TMEM163: variants seen among roughly 807,000 people sequenced by gnomAD.
The protein encoded by TMEM163 is transmembrane protein 163.
In TMEM163, 17 loss-of-function variants were observed where a neutral mutation model predicts 29.3. That is an observed-to-expected ratio of 0.58 (90% confidence interval 0.40 to 0.87). The LOEUF is 0.87. Among genes scored for constraint, TMEM163 ranks in the 40% least tolerant of loss-of-function variants. The pLI is 0.00. For missense variants in TMEM163, 303 were observed against 381.5 expected (o/e 0.79, Z 1.71); for synonymous variants, 157 against 160.6 (o/e 0.98, Z 0.17).
chr2:134,528,481 T>G (rs1322598352), intron 4 of TMEM163, among the ~76,000 whole-genome samples: 3 of 152,256 alleles, frequency 2.0e-5, no homozygotes, highest in Non-Finnish European at 4.4e-5. Context: ...GATAAGAGTT[T>G]CTTATAACAT....
intron 6 of TMEM163, among the ~76,000 whole-genome samples, chr2:134,464,106 G>C (rs375578332): frequency 1.2e-3 from 186 of 152,310 alleles, no homozygotes; most frequent in Middle Eastern, 3.4e-3. Context: ...TGAACTAAAG[G>C]CTTCCTCAAC....
At chr2:134,589,299 T>A (rs1268583595) in intron 2 of TMEM163, among the ~76,000 whole-genome samples, 1 of 152,162 alleles carries the variant, frequency 6.6e-6, no homozygotes, top group African/African-American at 2.4e-5. Context: ...AAAATAAGGC[T>A]GAGACCCACT....
intron 2 of TMEM163, among the ~76,000 whole-genome samples, chr2:134,689,780 T>C (rs1413638880): frequency 6.6e-6 from 1 of 152,252 alleles, no homozygotes; most frequent in Non-Finnish European, 1.5e-5. Context: ...AACAGCCAAA[T>C]GTACCACAAA....
chr2:134,473,681 C>T (rs1686856097), intron 5 of TMEM163, among the ~76,000 whole-genome samples: 1 of 152,082 alleles, frequency 6.6e-6, no homozygotes, highest in African/African-American at 2.4e-5. Context: ...ACACATGTTA[C>T]CAATATCAGG....
intron 2 of TMEM163, among the ~76,000 whole-genome samples, chr2:134,570,252 G>A (rs76981324): frequency 0.014 from 2,076 of 152,236 alleles, 45 homozygotes; most frequent in African/African-American, 0.048. Context: ...AAAGAAACTT[G>A]TGCTAGGTTT....
chr2:134,579,569 C>CT (rs903615407), intron 2 of TMEM163, among the ~76,000 whole-genome samples: 15 of 151,986 alleles, frequency 9.9e-5, no homozygotes, highest in East Asian at 9.6e-4. Context: ...CAAATCCATC[C>CT]TTTTTTTTCT....
intron 2 of TMEM163, among the ~76,000 whole-genome samples, chr2:134,651,686 T>G (rs1215607005): frequency 1.2e-5 from 1 of 80,118 alleles, no homozygotes; most frequent in East Asian, 2.8e-4. Flanking sequence ...AGGTCTAACG[T>G]TTAAATCTTT....
intron 5 of TMEM163, among the ~76,000 whole-genome samples, chr2:134,498,346 C>T (rs1000786784): frequency 4.3e-4 from 63 of 148,136 alleles, no homozygotes; most frequent in African/African-American, 1.5e-3. Flanking sequence ...GGTGCACTTG[C>T]ATGTGGGCTT....
chr2:134,628,271 C>A (rs915809465), intron 2 of TMEM163, among the ~76,000 whole-genome samples: 2 of 152,238 alleles, frequency 1.3e-5, no homozygotes, highest in African/African-American at 4.8e-5. Flanking sequence ...AAAACTCCTA[C>A]ATGCCTATCT....
At chr2:134,687,295 G>A (rs996429593) in intron 2 of TMEM163, among the ~76,000 whole-genome samples, 1 of 152,156 alleles carries the variant, frequency 6.6e-6, no homozygotes, top group African/African-American at 2.4e-5. Context: ...TAAAATGTTG[G>A]GAAGAGTTGC....
intron 5 of TMEM163, among the ~76,000 whole-genome samples, chr2:134,497,043 G>A (rs1391153617): frequency 6.6e-6 from 1 of 152,094 alleles, no homozygotes; most frequent in Non-Finnish European, 1.5e-5. Flanking sequence ...TGCTTACTGG[G>A]GAAGGTCCCC....
chr2:134,596,357 T>G (rs1574267190), intron 2 of TMEM163, among the ~76,000 whole-genome samples: 1 of 152,370 alleles, frequency 6.6e-6, no homozygotes, highest in African/African-American at 2.4e-5. Context: ...CAGCACCATT[T>G]TTTAAATAGG....
intron 5 of TMEM163, among the ~76,000 whole-genome samples, chr2:134,489,665 T>C (rs1679386499): frequency 6.6e-6 from 1 of 152,116 alleles, no homozygotes; most frequent in African/African-American, 2.4e-5. Flanking sequence ...GATATGATTA[T>C]GTATCATATA....
intron 2 of TMEM163, among the ~76,000 whole-genome samples, chr2:134,635,190 T>TACATCGAAAAGGAG (rs1339190430): frequency 2.0e-5 from 3 of 152,186 alleles, no homozygotes; most frequent in Non-Finnish European, 4.4e-5. Context: ...TTGAGACAAT[T>TACATCGAAAAGGAG]ACAGTCTCTG....
chr2:134,715,100 C>T (rs1275844124), intron 1 of TMEM163, among the ~76,000 whole-genome samples: 1 of 152,220 alleles, frequency 6.6e-6, no homozygotes, highest in Non-Finnish European at 1.5e-5. Flanking sequence ...GGTATTTTGA[C>T]AGCAACAATC....
At chr2:134,483,612 G>GA (rs1199426009) in intron 5 of TMEM163, among the ~76,000 whole-genome samples, 4 of 152,110 alleles carry the variant, frequency 2.6e-5, no homozygotes, top group Admixed American at 2.6e-4. Flanking sequence ...CTGCGAGGTG[G>GA]AAATTCTGAC....
At chr2:134,549,662 T>C (rs1366491937) in intron 4 of TMEM163, among the ~76,000 whole-genome samples, 2 of 152,188 alleles carry the variant, frequency 1.3e-5, no homozygotes, top group East Asian at 3.9e-4. Context: ...ACTTTCCATC[T>C]GGATACCACT....
intron 2 of TMEM163, among the ~76,000 whole-genome samples, chr2:134,629,565 A>G (rs1453326317): frequency 6.6e-6 from 1 of 152,194 alleles, no homozygotes; most frequent in Non-Finnish European, 1.5e-5. Context: ...CAGCCCTTGT[A>G]CCTTTCTGTT....
rs1275323743 is a variant in TMEM163 at position 134,652,997 on chromosome 2, C to G, written c.322+60203G>C. On this transcript the variant is annotated intron_variant, in intron 2 of 7. Coordinates refer to ENST00000281924, the MANE Select transcript of TMEM163 (RefSeq NM_030923.5). Reference sequence around the variant, plus strand: ...ATCAATGTTCATCAAGGATATTGGTCTAAAACTCTCTTTTTTGGTTGTGTC... The same window carrying G: ...ATCAATGTTCATCAAGGATATTGGTGTAAAACTCTCTTTTTTGGTTGTGTC... Among the ~76,000 whole-genome samples, 2 of 131,256 alleles carry G rather than the reference C, an allele frequency of 1.5e-5. 1 individual carries two copies. Among genetic ancestry groups the G allele is most frequent in the Non-Finnish European group, 3.1e-5 (2 of 64,426 alleles). The allele number at this position is 131,256 out of a possible 152,430, so 86.1% of individuals were successfully genotyped here.
Sources: allele counts gnomAD v4.1 joint callset (sites outside exome capture counted in the v4.1 genomes callset), GRCh38; gene constraint gnomAD v4.1.1; transcripts MANE v1.5; gene names NCBI Gene and HGNC (gene_info 2026-07-23, HGNC 2026-07-21).